Variants in MGAT4C observed in about 807,000 individuals in gnomAD.
MGAT4C encodes the protein alpha-1,3-mannosyl-glycoprotein 4-beta-N-acetylglucosaminyltransferase C.
In MGAT4C, 19 loss-of-function variants were observed where a neutral mutation model predicts 40.1. That is an observed-to-expected ratio of 0.47 (90% confidence interval 0.33 to 0.70). The LOEUF is 0.70. Among genes scored for constraint, MGAT4C ranks in the 30% least tolerant of loss-of-function variants. The pLI is 0.02. For missense variants in MGAT4C, 491 were observed against 563.2 expected, an observed-to-expected ratio of 0.87 and a Z score of 1.30; for synonymous variants, 181 against 187.1, an observed-to-expected ratio of 0.97 and a Z score of 0.27.
intron 1 of MGAT4C, among the ~76,000 whole-genome samples, chr12:86,212,375 T>A (rs1024152756): frequency 6.6e-6 from 1 of 152,092 alleles, no homozygotes; most frequent in Admixed American, 6.5e-5. Context: ...TTAAAATAAG[T>A]ATAGTAATTT....
intron 2 of MGAT4C, among the ~76,000 whole-genome samples, chr12:86,550,372 T>G (rs1959290340): frequency 1.3e-5 from 2 of 152,160 alleles, no homozygotes; most frequent in East Asian, 3.9e-4. Flanking sequence ...CCCACAGTCC[T>G]TGAAAGCCCT....
chr12:86,420,505 A>G (rs1232053490), intron 3 of MGAT4C, among the ~76,000 whole-genome samples: 2 of 152,146 alleles, frequency 1.3e-5, no homozygotes, highest in Non-Finnish European at 2.9e-5. Context: ...ACCATAAAAT[A>G]GGCTGGGCCA....
chr12:86,019,238 T>C (rs972037582), intron 2 of MGAT4C, among the ~76,000 whole-genome samples: 1 of 152,158 alleles, frequency 6.6e-6, no homozygotes, highest in Non-Finnish European at 1.5e-5. Flanking sequence ...AAATATACTT[T>C]GTTAAATCCT....
chr12:85,980,380 A>T lies in MGAT4C; in HGVS notation c.346T>A (p.Leu116Ile). 1 of 1,609,558 alleles carries T rather than the reference A, an allele frequency of 6.2e-7. No individual in the cohort carries two copies. ...AAAATTGACTTAATTGTCTCAAGTA[A>T]ATAGTTTCCTTTTTTTCGCTTTACT... ...SSVKRKKGNY[L>I]LETIKSIFEQ... is the part of the protein sequence containing the mutation. The change falls in exon 5 of 5, where the codon TTA becomes ATA. Residue 116 changes from leucine to isoleucine, a missense_variant. Coordinates refer to ENST00000611864, the MANE Select transcript of MGAT4C (RefSeq NM_001351288.2).
chr12:86,627,061 G>A (rs1962832199), intron 2 of MGAT4C, among the ~76,000 whole-genome samples: 1 of 152,224 alleles, frequency 6.6e-6, no homozygotes, highest in Non-Finnish European at 1.5e-5. Context: ...GACAGCAGGA[G>A]ATTATATCCC....
intron 1 of MGAT4C, among the ~76,000 whole-genome samples, chr12:86,245,830 T>C (rs1275081860): frequency 1.3e-5 from 2 of 152,154 alleles, no homozygotes; most frequent in Admixed American, 6.6e-5. Context: ...ACAAATTAAT[T>C]AAAGTGATTT....
chr12:86,768,149 G>A (rs1951551713), intron 1 of MGAT4C, among the ~76,000 whole-genome samples: 1 of 152,128 alleles, frequency 6.6e-6, no homozygotes, highest in African/African-American at 2.4e-5. Context: ...TCCTTAAGCT[G>A]ATAAGCAACT....
At chr12:86,394,043 A>G (rs1293484339) in intron 3 of MGAT4C, among the ~76,000 whole-genome samples, 1 of 152,152 alleles carries the variant, frequency 6.6e-6, no homozygotes, top group African/African-American at 2.4e-5. Flanking sequence ...AACACTTCAT[A>G]TGGTTTGTTC....
chr12:86,065,511 C>G (rs950670419), intron 1 of MGAT4C, among the ~76,000 whole-genome samples: 2 of 152,084 alleles, frequency 1.3e-5, no homozygotes, highest in South Asian at 2.1e-4. Flanking sequence ...ATTCAACACC[C>G]CTTCATGCTA....
At chr12:86,543,525 C>T (rs916141420) in intron 2 of MGAT4C, among the ~76,000 whole-genome samples, 2 of 151,856 alleles carry the variant, frequency 1.3e-5, no homozygotes. Context: ...AATTACATAT[C>T]TACTATGTTC....
In MGAT4C at chr12:85,965,596, C is replaced by CAAAAAA. The variant is rs770451333; in HGVS notation, c.*13687_*13692dup. The CAAAAAA allele has an allele frequency of 1.8e-5, 1 of 57,116 alleles. No homozygotes were observed. The highest frequency in any genetic ancestry group is 3.1e-5 in the Non-Finnish European group (1 of 32,098). The allele number at this position is 57,116 out of a possible 1,614,324, so 3.5% of individuals were successfully genotyped here. On this transcript the variant is annotated 3_prime_UTR_variant, in exon 5 of 5. Coordinates refer to ENST00000611864, the MANE Select transcript of MGAT4C (RefSeq NM_001351288.2). Reference sequence around the variant, plus strand: ...TGGGCAAAAGAGTGAGACTCTGTCTCAAAAAAAAAAAAAAAAAAAAAAAAG... The same window carrying CAAAAAA: ...TGGGCAAAAGAGTGAGACTCTGTCTCAAAAAAAAAAAAAAAAAAAAAAAAAAAAAAG...
intron 1 of MGAT4C, among the ~76,000 whole-genome samples, chr12:86,246,332 C>T (rs1952027692): frequency 6.6e-6 from 1 of 151,952 alleles, no homozygotes; most frequent in Non-Finnish European, 1.5e-5. Context: ...ACTACAGGCG[C>T]CCGTCAACCA....
chr12:86,585,329 G>C (rs888163585), intron 2 of MGAT4C, among the ~76,000 whole-genome samples: 1 of 151,316 alleles, frequency 6.6e-6, no homozygotes, highest in African/African-American at 2.4e-5. Flanking sequence ...CAGAGTTAAT[G>C]TAACAGTTTA....
At chr12:86,194,393 G>C (rs999424722) in intron 1 of MGAT4C, among the ~76,000 whole-genome samples, 4 of 151,884 alleles carry the variant, frequency 2.6e-5, no homozygotes, top group African/African-American at 9.7e-5. Context: ...TTTTAATGTA[G>C]GTATTTTCAG....
At chr12:86,042,228 A>T (rs922403548) in intron 2 of MGAT4C, among the ~76,000 whole-genome samples, 5 of 152,322 alleles carry the variant, frequency 3.3e-5, no homozygotes, top group East Asian at 3.9e-4. Context: ...AGTTTCTTGA[A>T]GACAGCATAT....
At chr12:86,200,697 A>T (rs1274292367) in intron 1 of MGAT4C, among the ~76,000 whole-genome samples, 2 of 152,118 alleles carry the variant, frequency 1.3e-5, no homozygotes, top group Non-Finnish European at 2.9e-5. Flanking sequence ...TGTATTTTGC[A>T]TACAATTTGT....
At chr12:86,463,450 T>A (rs1298485800) in intron 2 of MGAT4C, among the ~76,000 whole-genome samples, 1 of 152,138 alleles carries the variant, frequency 6.6e-6, no homozygotes, top group Non-Finnish European at 1.5e-5. Flanking sequence ...TTCCCATTCC[T>A]CTAGGCTTTT....
chr12:86,157,182 A>AT lies in MGAT4C; in HGVS notation c.-57+99056dup, dbSNP rs539097964. Among the ~76,000 whole-genome samples the AT allele has an allele frequency of 2.3e-4, 35 of 151,956 alleles. No individual in the cohort carries two copies. In the South Asian group the frequency reaches 5.6e-3, roughly 24 times the overall value. Reference sequence around the variant, plus strand: ...AATATTTTTAATATATACATTTATAATTTTTTTTAACGGAAAGTGCATTCA... The same window carrying AT: ...AATATTTTTAATATATACATTTATAATTTTTTTTTAACGGAAAGTGCATTCA... On this transcript the variant is annotated intron_variant, in intron 1 of 4. Transcript: ENST00000611864.
At chr12:86,393,498 CTGAT>C (rs1401332202) in intron 3 of MGAT4C, among the ~76,000 whole-genome samples, 1 of 152,030 alleles carries the variant, frequency 6.6e-6, no homozygotes, top group Non-Finnish European at 1.5e-5. Context: ...ATTTAGAAAA[CTGAT>C]TGAGATTAAA....
Sources: gnomAD v4.1 joint callset for allele counts (sites outside exome capture counted in the v4.1 genomes callset) on GRCh38, gnomAD v4.1.1 for gene constraint, MANE v1.5 for transcripts, NCBI Gene and HGNC (gene_info 2026-07-23, HGNC 2026-07-21) for gene names.